The following SCFD1 variants were observed in gnomAD, a reference collection of about 807,000 sequenced individuals.
SCFD1 encodes sec1 family domain-containing protein 1.
A neutral mutation model predicts 103.2 loss-of-function variants in SCFD1; 37 were observed. The observed-to-expected ratio is 0.36, with a 90% CI of 0.28 to 0.47. The LOEUF is 0.47. Among genes scored for constraint, SCFD1 ranks in the 20% least tolerant of loss-of-function variants. The pLI, the probability that SCFD1 is intolerant of heterozygous loss-of-function variation, is 1.00. For synonymous variants in SCFD1, 264 were observed against 245.0 expected, an observed-to-expected ratio of 1.08 and a Z score of -0.73; for missense variants, 639 against 761.2, an observed-to-expected ratio of 0.84 and a Z score of 1.89.
chr14:30,721,911 C>A lies in SCFD1; in HGVS notation c.1764C>A (p.Phe588Leu). The A allele has an allele frequency of 6.2e-7, 1 of 1,607,272 alleles. No homozygotes were observed. Among genetic ancestry groups the A allele is most frequent in the South Asian group, 1.1e-5 (1 of 90,460 alleles). ...CAGTTCCCAGAAATAAAAATCCATT[C>A]CAAGAGGTAAGTTTCATATAAAAAT... ...DSSVPRNKNP[F>L]QEAIVFVVGG... Residue 588 changes from phenylalanine to leucine, a missense_variant, in exon 22 of 25, where the codon TTC becomes TTA. Phe to Leu is a conservative substitution (Grantham distance 22). Coordinates refer to ENST00000458591, the MANE Select transcript of SCFD1 (RefSeq NM_016106.4).
intron 11 of SCFD1, among the ~76,000 whole-genome samples, chr14:30,671,486 G>T (rs981159136): frequency 3.9e-5 from 6 of 152,044 alleles, no homozygotes; most frequent in Non-Finnish European, 8.8e-5. Flanking sequence ...TTCCCTAATA[G>T]AGAAAAGCTT....
At chr14:30,642,693 A>T (rs2139059438) in intron 6 of SCFD1, among the ~76,000 whole-genome samples, 1 of 152,308 alleles carries the variant, frequency 6.6e-6, no homozygotes. Flanking sequence ...TCTAGTGTTT[A>T]TGAATAAAAC....
intron 14 of SCFD1, among the ~76,000 whole-genome samples, chr14:30,679,403 C>T (rs927256127): frequency 6.6e-6 from 1 of 151,968 alleles, no homozygotes; most frequent in African/African-American, 2.4e-5. Flanking sequence ...AAACCTTAAC[C>T]ATAAAAGATT....
chr14:30,654,821 TC>T (rs1160570802), intron 10 of SCFD1, among the ~76,000 whole-genome samples: 2 of 152,206 alleles, frequency 1.3e-5, no homozygotes, highest in Non-Finnish European at 2.9e-5. Flanking sequence ...ATGCCATGAC[TC>T]TAGGATGAGT....
At chr14:30,635,278 C>T (rs1201860004) in intron 4 of SCFD1, among the ~76,000 whole-genome samples, 2 of 152,268 alleles carry the variant, frequency 1.3e-5, no homozygotes, top group South Asian at 4.1e-4. Flanking sequence ...ACATACCATA[C>T]AATTCACACA....
chr14:30,730,487 T>C (rs1893375990), intron 23 of SCFD1, among the ~76,000 whole-genome samples: 1 of 152,190 alleles, frequency 6.6e-6, no homozygotes, highest in South Asian at 2.1e-4. Context: ...AGTGTAAAAG[T>C]GTTCCTATTT....
chr14:30,699,674 G>A (rs1400817998), intron 15 of SCFD1, among the ~76,000 whole-genome samples: 1 of 151,820 alleles, frequency 6.6e-6, no homozygotes, highest in Non-Finnish European at 1.5e-5. Context: ...GTGTATTTAG[G>A]GGCCCCCCAA....
At chr14:30,657,665 G>A (rs540958495) in intron 10 of SCFD1, among the ~76,000 whole-genome samples, 26 of 152,268 alleles carry the variant, frequency 1.7e-4, no homozygotes, top group African/African-American at 4.8e-4. Context: ...TAACTGAGAT[G>A]TCATAAATTA....
At chr14:30,703,639 A>T (rs371306817) in intron 17 of SCFD1, among the ~76,000 whole-genome samples, 1 of 140,792 alleles carries the variant, frequency 7.1e-6, no homozygotes, top group South Asian at 2.1e-4. Context: ...AAAGCATAAC[A>T]AGAGAATTAC....
chr14:30,695,693 A>T (rs1282517758), intron 15 of SCFD1, among the ~76,000 whole-genome samples: 1 of 152,008 alleles, frequency 6.6e-6, no homozygotes, highest in African/African-American at 2.4e-5. Context: ...ATAAAGCAAG[A>T]CCCCATATAC....
At chr14:30,638,943 T>C (rs1458365194) in intron 5 of SCFD1, among the ~76,000 whole-genome samples, 2 of 152,252 alleles carry the variant, frequency 1.3e-5, no homozygotes, top group Non-Finnish European at 2.9e-5. Context: ...TACTGATAGA[T>C]TTTTCATTGT....
At chr14:30,638,329 CTATT>C (rs1236621463) in intron 5 of SCFD1, 82 bp downstream of exon 5, 2 of 1,581,976 alleles carry the variant, frequency 1.3e-6, no homozygotes, top group Non-Finnish European at 1.7e-6. Flanking sequence ...GCATAGATAT[CTATT>C]TGACAGATGA....
At chr14:30,702,217 T>G (rs375488220) in intron 16 of SCFD1, 79 bp from the exon 17 acceptor site, 1 of 975,384 alleles carries the variant, frequency 1.0e-6, no homozygotes, top group Non-Finnish European at 1.6e-6. Context: ...GGTCTTACTT[T>G]TTAATTAATC....
chr14:30,622,784 C>T (rs1882985791), intron 1 of SCFD1, among the ~76,000 whole-genome samples: 2 of 152,184 alleles, frequency 1.3e-5, no homozygotes, highest in Admixed American at 6.5e-5. Context: ...CTCCCATTTT[C>T]TGACACTCAG....
In SCFD1 at chr14:30,677,986, C is replaced by T. The variant is rs560561020; in HGVS notation, c.1242+2921C>T. 5.3e-5 allele frequency among the ~76,000 whole-genome samples: 8 copies of T among 151,804 alleles called. No individual in the cohort carries two copies. In the South Asian group the frequency reaches 1.0e-3, roughly 20 times the overall value. On this transcript the variant is annotated intron_variant, in intron 14 of 24. Coordinates refer to ENST00000458591, the MANE Select transcript of SCFD1 (RefSeq NM_016106.4). ...TCCTGAGTAGCTGAGACTACAGGCACGGACCACCATGCCCAGCTAATTTAT... is the reference window on the plus strand; with the variant it reads ...TCCTGAGTAGCTGAGACTACAGGCATGGACCACCATGCCCAGCTAATTTAT...
intron 14 of SCFD1, among the ~76,000 whole-genome samples, chr14:30,679,928 A>T (rs963959236): frequency 2.0e-5 from 3 of 152,178 alleles, no homozygotes; most frequent in Admixed American, 1.3e-4. Context: ...TGGATGAGCT[A>T]TCACTTGTCT....
At chr14:30,699,060 T>C (rs973861853) in intron 15 of SCFD1, among the ~76,000 whole-genome samples, 3 of 152,178 alleles carry the variant, frequency 2.0e-5, no homozygotes, top group Non-Finnish European at 4.4e-5. Context: ...TCAGGCTAAT[T>C]ACCTGTTAAA....
chr14:30,693,431 A>G (rs1192281954), intron 14 of SCFD1, among the ~76,000 whole-genome samples: 2 of 152,178 alleles, frequency 1.3e-5, no homozygotes, highest in Admixed American at 6.5e-5. Context: ...TGGATATTTC[A>G]TCTATAAAAC....
At chr14:30,663,380 C>T (rs771378103) in intron 10 of SCFD1, among the ~76,000 whole-genome samples, 22 of 152,250 alleles carry the variant, frequency 1.4e-4, no homozygotes, top group Non-Finnish European at 2.5e-4. Flanking sequence ...ATCTAAGGTT[C>T]TTTCCAGATG....
Sources: allele counts gnomAD v4.1 joint callset (sites outside exome capture counted in the v4.1 genomes callset), GRCh38; gene constraint gnomAD v4.1.1; transcripts MANE v1.5; gene names NCBI Gene and HGNC (gene_info 2026-07-23, HGNC 2026-07-21).